The following BMPR2 variants were observed in gnomAD, a reference collection of about 807,000 sequenced individuals.
BMPR2 encodes the protein bone morphogenetic protein receptor type-2.
Under a neutral mutation model 100.8 loss-of-function variants are expected in BMPR2, and 29 were observed. That is an observed-to-expected ratio of 0.29 (90% CI 0.21 to 0.39). The LOEUF (loss-of-function observed/expected upper bound fraction) is 0.39. Ranked by LOEUF, BMPR2 falls within the 10% of genes least tolerant of loss-of-function variation. The pLI is 1.00. For synonymous variants in BMPR2, 382 were observed against 442.3 expected, an observed-to-expected ratio of 0.86 and a Z score of 1.71; for missense variants, 1,011 against 1,274.5, an observed-to-expected ratio of 0.79 and a Z score of 3.15.
intron 1 of BMPR2, among the ~76,000 whole-genome samples, chr2:202,455,248 T>A (rs1185880294): frequency 1.3e-5 from 2 of 152,188 alleles, no homozygotes; most frequent in African/African-American, 4.8e-5. Flanking sequence ...TTTCAAGTGC[T>A]TAATATCCAA....
Position 202,556,355 on chromosome 2 carries a change from G to A in BMPR2, c.2690G>A (p.Gly897Asp), listed in dbSNP as rs768005079. ...LVDRRERPLE[G>D]GRTNSNNNNS... ...GACAGGAGGGAACGGCCACTAGAAG[G>A]TGGCCGAACTAATTCCAATAACAAC... The change falls in exon 12 of 13, where the codon GGT becomes GAT. Residue 897 changes from glycine (G) to aspartate (D), a missense_variant. Around this residue, in one of 6 missense-constraint regions of BMPR2, gnomAD observed 508 missense variants for 552.0 expected, o/e 0.92. Coordinates refer to ENST00000374580, the MANE Select transcript of BMPR2 (RefSeq NM_001204.7). The A allele has an allele frequency of 4.1e-5, 66 of 1,614,092 alleles. No homozygotes were observed. Among genetic ancestry groups the A allele is most frequent in the Non-Finnish European group, 5.0e-5 (59 of 1,180,060 alleles).
chr2:202,427,116 C>T (rs76284304), intron 1 of BMPR2, among the ~76,000 whole-genome samples: 14,979 of 151,930 alleles, frequency 0.099, 988 homozygotes, highest in South Asian at 0.25. Context: ...TTTAGGAGGC[C>T]GAGGCGGGAG....
chr2:202,395,937 C>G (rs913666712), intron 1 of BMPR2, among the ~76,000 whole-genome samples: 2 of 150,786 alleles, frequency 1.3e-5, no homozygotes, highest in African/African-American at 4.9e-5. Flanking sequence ...AACTCCATCT[C>G]AAAACAAAAA....
intron 7 of BMPR2, among the ~76,000 whole-genome samples, chr2:202,525,783 T>C (rs987361069): frequency 6.6e-6 from 1 of 152,020 alleles, no homozygotes; most frequent in African/African-American, 2.4e-5. Flanking sequence ...TTCAGAGCTA[T>C]GTAGTTATAT....
intron 1 of BMPR2, among the ~76,000 whole-genome samples, chr2:202,405,465 G>A (rs1378048006): frequency 1.3e-5 from 2 of 152,020 alleles, no homozygotes; most frequent in East Asian, 3.9e-4. Context: ...GAGGCGGGCG[G>A]ATCACGAGGT....
At chr2:202,553,013 TATC>T in intron 11 of BMPR2, 125 bp downstream of exon 11, 3 of 1,259,200 alleles carry the variant, frequency 2.4e-6, no homozygotes, top group Non-Finnish European at 2.2e-6. Flanking sequence ...AATCTAAAGT[TATC>T]ATTTTTCTTT....
rs188767709 is a variant in BMPR2, at chr2:202,546,583, T to G, written c.1413+4136T>G. Among the ~76,000 whole-genome samples, 911 of 152,288 alleles carry G rather than the reference T, an allele frequency of 6.0e-3. 16 individuals carry two copies. The highest frequency in any genetic ancestry group is 0.021 in the African/African-American group (869 of 41,560). ...AAAATGAACTACTTTAACAATCACATACACATGGTTTTGTTTTTGTTTTTG... is the reference window on the plus strand; with the variant it reads ...AAAATGAACTACTTTAACAATCACAGACACATGGTTTTGTTTTTGTTTTTG... On this transcript the variant is annotated intron_variant, in intron 10 of 12. Transcript: ENST00000374580.
chr2:202,432,669 GATTTTATT>G (rs1323902324), intron 1 of BMPR2, among the ~76,000 whole-genome samples: 6 of 150,394 alleles, frequency 4.0e-5, no homozygotes, highest in South Asian at 2.1e-4. Flanking sequence ...TTTATTTTGT[GATTTTATT>G]ATTTTATTAT....
At chr2:202,517,671 G>A (rs1407100503) in intron 5 of BMPR2, among the ~76,000 whole-genome samples, 1 of 151,216 alleles carries the variant, frequency 6.6e-6, no homozygotes, top group African/African-American at 2.4e-5. Context: ...ATCTTTAGCT[G>A]GAAACTCTCT....
At chr2:202,469,531 G>A in intron 3 of BMPR2, 1 of 324,556 alleles carries the variant, frequency 3.1e-6, no homozygotes, top group South Asian at 2.5e-5. Context: ...CCTGGCTAGA[G>A]TACAGTGGCA....
intron 3 of BMPR2, among the ~76,000 whole-genome samples, chr2:202,500,013 C>T (rs913982780): frequency 8.5e-5 from 13 of 152,178 alleles, no homozygotes; most frequent in African/African-American, 1.9e-4. Context: ...CCGAGGCAAT[C>T]GCTAGAAGGT....
chr2:202,377,478 A>G lies in BMPR2; in HGVS notation c.4A>G (p.Thr2Ala). M[T>A]SSLQRPWRVP... Reference sequence around the variant, plus strand: ...CTGATTCTTGGCTGGCCCAGGGATGACTTCCTCGCTGCAGCGGCCCTGGCG... The same window carrying G: ...CTGATTCTTGGCTGGCCCAGGGATGGCTTCCTCGCTGCAGCGGCCCTGGCG... The change falls in exon 1 of 13, where the codon ACT becomes GCT. Residue 2 changes from threonine to alanine, a missense_variant. Coordinates refer to ENST00000374580, the MANE Select transcript of BMPR2 (RefSeq NM_001204.7). The G allele has an allele frequency of 6.2e-7, 1 of 1,614,212 alleles. No individual in the cohort carries two copies. The highest frequency in any genetic ancestry group is 8.5e-7 in the Non-Finnish European group (1 of 1,180,036).
At chr2:202,538,165 A>G (rs191389787) in intron 9 of BMPR2, among the ~76,000 whole-genome samples, 193 of 152,232 alleles carry the variant, frequency 1.3e-3, no homozygotes, top group African/African-American at 4.5e-3. Context: ...AGAAATATTC[A>G]GAGGTTGGCC....
chr2:202,387,805 C>G (rs1240148058), intron 1 of BMPR2, among the ~76,000 whole-genome samples: 1 of 152,074 alleles, frequency 6.6e-6, no homozygotes, highest in Non-Finnish European at 1.5e-5. Flanking sequence ...GATTAAAACC[C>G]CATGGGGCCA....
At chr2:202,556,898 A>G (rs1057240385) in intron 12 of BMPR2, among the ~76,000 whole-genome samples, 2 of 151,356 alleles carry the variant, frequency 1.3e-5, no homozygotes, top group African/African-American at 4.9e-5. Flanking sequence ...CAGCCTGGCC[A>G]ACATGGTGAA....
intron 5 of BMPR2, among the ~76,000 whole-genome samples, chr2:202,518,441 A>G (rs919595336): frequency 3.3e-5 from 5 of 151,946 alleles, no homozygotes; most frequent in Non-Finnish European, 7.4e-5. Context: ...CCCAGCCTAG[A>G]ATGGTTTTCT....
At chr2:202,389,744 TGA>T (rs1368468121) in intron 1 of BMPR2, among the ~76,000 whole-genome samples, 1 of 151,144 alleles carries the variant, frequency 6.6e-6, no homozygotes, top group Admixed American at 6.6e-5. Flanking sequence ...TGGGTTCAAG[TGA>T]TTCTCCTGCC....
intron 1 of BMPR2, among the ~76,000 whole-genome samples, chr2:202,409,548 C>T (rs1039346302): frequency 1.3e-5 from 2 of 152,056 alleles, no homozygotes; most frequent in African/African-American, 4.8e-5. Context: ...AAGACTCTGT[C>T]TCTATTAATT....
intron 1 of BMPR2, among the ~76,000 whole-genome samples, chr2:202,450,545 G>A (rs1056957178): frequency 6.6e-6 from 1 of 152,002 alleles, no homozygotes; most frequent in African/African-American, 2.4e-5. Flanking sequence ...TACAAAATTA[G>A]CCGGGCATGG....
Sources: allele counts gnomAD v4.1 joint callset (sites outside exome capture counted in the v4.1 genomes callset), GRCh38; gene constraint gnomAD v4.1.1; regional missense constraint gnomAD v4.1.1; transcripts MANE v1.5; gene names NCBI Gene and HGNC (gene_info 2026-07-23, HGNC 2026-07-21).